C3orf20: variants seen among roughly 807,000 people sequenced by gnomAD.
C3orf20 encodes the protein uncharacterized protein C3orf20.
Under a neutral mutation model 88.3 loss-of-function variants are expected in C3orf20, and 76 were observed. The observed-to-expected ratio is 0.86, with a 90% CI of 0.72 to 1.04. The LOEUF is 1.04. C3orf20 is among the 50% of genes least tolerant of loss of function. The pLI, the probability that C3orf20 is intolerant of heterozygous loss-of-function variation, is 0.00. For synonymous variants in C3orf20, 436 were observed against 437.4 expected (o/e 1.00, Z 0.04); for missense variants, 1,056 against 1,123.3 (o/e 0.94, Z 0.86).
intron 5 of C3orf20, among the ~76,000 whole-genome samples, chr3:14,696,805 A>G (rs2033024320): frequency 6.6e-6 from 1 of 152,020 alleles, no homozygotes; most frequent in Admixed American, 6.5e-5. Flanking sequence ...GTTTTATACT[A>G]ACACCTTTTC....
intron 10 of C3orf20, chr3:14,722,431 C>G (rs1010883017): frequency 4.4e-6 from 2 of 455,704 alleles, no homozygotes; most frequent in African/African-American, 2.0e-5. Flanking sequence ...AAATGAACCA[C>G]CTGGGCAAAG....
chr3:14,689,904 G>A (rs780778966), intron 4 of C3orf20, 93 bp from the exon 5 acceptor site: 97 of 1,549,166 alleles, frequency 6.3e-5, no homozygotes, highest in African/African-American at 9.5e-5. Context: ...GTGACCCACC[G>A]TACTACTAGA....
chr3:14,687,558 C>T (rs2032495591), intron 4 of C3orf20, among the ~76,000 whole-genome samples: 1 of 152,114 alleles, frequency 6.6e-6, no homozygotes, highest in South Asian at 2.1e-4. Context: ...TTAAAGATCT[C>T]CCTCATTTGG....
intron 12 of C3orf20, among the ~76,000 whole-genome samples, chr3:14,747,730 T>C (rs1245587718): frequency 6.6e-6 from 1 of 152,144 alleles, no homozygotes; most frequent in Non-Finnish European, 1.5e-5. Context: ...GTCTGGTCAT[T>C]TACATAAGTG....
At chr3:14,692,148 T>C (rs1177311612) in intron 5 of C3orf20, among the ~76,000 whole-genome samples, 2 of 152,228 alleles carry the variant, frequency 1.3e-5, no homozygotes, top group African/African-American at 4.8e-5. Flanking sequence ...TATCTGTTGT[T>C]GATTGACACT....
chr3:14,712,953 C>A (rs561913447), intron 7 of C3orf20, among the ~76,000 whole-genome samples: 1 of 151,966 alleles, frequency 6.6e-6, no homozygotes, highest in African/African-American at 2.4e-5. Context: ...TTTTTTCCTT[C>A]GAGGTCTTTA....
intron 5 of C3orf20, among the ~76,000 whole-genome samples, chr3:14,694,993 G>T (rs2032926983): frequency 6.6e-6 from 1 of 152,160 alleles, no homozygotes; most frequent in Non-Finnish European, 1.5e-5. Context: ...GTTTCACCAT[G>T]TTGACCAGGC....
chr3:14,758,036 T>C (rs985622991), intron 13 of C3orf20, among the ~76,000 whole-genome samples: 22 of 152,168 alleles, frequency 1.4e-4, no homozygotes, highest in African/African-American at 5.1e-4. Context: ...CTCAGGGCTC[T>C]GAAAATACTT....
intron 12 of C3orf20, among the ~76,000 whole-genome samples, chr3:14,746,947 C>T (rs1352600457): frequency 6.6e-6 from 1 of 152,162 alleles, no homozygotes; most frequent in African/African-American, 2.4e-5. Flanking sequence ...AGAGCCAAGC[C>T]TAAGGGCAAT....
chr3:14,679,660 T>A (rs939801757), intron 1 of C3orf20, among the ~76,000 whole-genome samples: 1 of 151,838 alleles, frequency 6.6e-6, no homozygotes, highest in African/African-American at 2.4e-5. Context: ...AAAAAAAAAA[T>A]TATGTTCATT....
At chr3:14,727,713 A>G (rs1489367621) in intron 11 of C3orf20, among the ~76,000 whole-genome samples, 1 of 152,204 alleles carries the variant, frequency 6.6e-6, no homozygotes, top group Non-Finnish European at 1.5e-5. Flanking sequence ...CTTGACTTCC[A>G]ATCGGTCACA....
chr3:14,705,496 C>G (rs946045830), intron 7 of C3orf20, among the ~76,000 whole-genome samples: 6 of 152,306 alleles, frequency 3.9e-5, no homozygotes, highest in African/African-American at 1.4e-4. Flanking sequence ...ATTTGTACTT[C>G]AGAGGGAGCA....
chr3:14,677,294 CCT>C (rs1448263426), intron 1 of C3orf20, among the ~76,000 whole-genome samples: 2 of 151,808 alleles, frequency 1.3e-5, no homozygotes, highest in African/African-American at 2.4e-5. Flanking sequence ...GGAGGTATGC[CCT>C]CTCTCTGCTT....
At chr3:14,739,857 G>A (rs9853807) in intron 12 of C3orf20, among the ~76,000 whole-genome samples, 11,063 of 152,252 alleles carry the variant, frequency 0.073, 1,093 homozygotes, top group African/African-American at 0.22. Flanking sequence ...GCTAGATTAC[G>A]ATTTTTCCTT....
chr3:14,770,281 G>A (rs1423171774), intron 15 of C3orf20, among the ~76,000 whole-genome samples: 1 of 152,178 alleles, frequency 6.6e-6, no homozygotes, highest in Admixed American at 6.5e-5. Context: ...GTAAGGGGCT[G>A]CAAAGAGGCG....
chr3:14,772,770 G>A lies in C3orf20; in HGVS notation c.2631-21G>A, dbSNP rs773053070. 1 of 1,604,518 alleles carries A rather than the reference G, an allele frequency of 6.2e-7. No homozygotes were observed. Among genetic ancestry groups the A allele is most frequent in the Non-Finnish European group, 8.5e-7 (1 of 1,171,702 alleles). ...TGAAGAACAGCCCTTCCGCCTCCCG[G>A]CCCTCTATTTTGATCTTTAGGACAA... On this transcript the variant is annotated intron_variant, in intron 16 of 16. Transcript: ENST00000253697. The surrounding 1 kb of genome is among the most constrained non-coding windows in gnomAD (Gnocchi z 4.2).
rs1347731250 is a variant in C3orf20 at position 14,727,108 on chromosome 3, C to G, written c.1690+84C>G. On this transcript the variant is annotated intron_variant, in intron 11 of 16. Coordinates refer to ENST00000253697, the MANE Select transcript of C3orf20 (RefSeq NM_032137.5). Reference sequence around the variant, plus strand: ...CTGGCAGGTCATCTCAAGGGACAGACCTTTACTTTACCGCCCATTCCATCT... The same window carrying G: ...CTGGCAGGTCATCTCAAGGGACAGAGCTTTACTTTACCGCCCATTCCATCT... 3 of 1,455,638 alleles carry G rather than the reference C, an allele frequency of 2.1e-6. No homozygotes were observed. The African/African-American group carries it at 4.2e-5, about 20-fold the overall frequency. The allele number at this position is 1,455,638 out of a possible 1,614,324, so 90.2% of individuals were successfully genotyped here.
At chr3:14,703,616 C>T (rs2033372297) in intron 6 of C3orf20, among the ~76,000 whole-genome samples, 1 of 152,218 alleles carries the variant, frequency 6.6e-6, no homozygotes, top group African/African-American at 2.4e-5. Context: ...TTGCCTCCTG[C>T]CCCTGCCCAG....
chr3:14,686,117 C>CCCAAA (rs2032416971), intron 4 of C3orf20, among the ~76,000 whole-genome samples: 1 of 152,140 alleles, frequency 6.6e-6, no homozygotes, highest in Admixed American at 6.5e-5. Flanking sequence ...GCCTTGGCCT[C>CCCAAA]CCAAAGTGTT....
Sources: gnomAD v4.1 joint callset for allele counts (sites outside exome capture counted in the v4.1 genomes callset) on GRCh38, gnomAD v4.1.1 for gene constraint, Gnocchi (gnomAD v3.1) non-coding constraint, MANE v1.5 for transcripts, NCBI Gene and HGNC (gene_info 2026-07-23, HGNC 2026-07-21) for gene names.